FAM83F: variants seen among roughly 807,000 people sequenced by gnomAD.
FAM83F encodes scaffolding CK1 anchoring protein F.
Under a neutral mutation model 42.9 loss-of-function variants are expected in FAM83F, and 45 were observed. The ratio of observed to expected loss-of-function variants is 1.05; its 90% CI spans 0.83 to 1.35. FAM83F has a LOEUF of 1.35. FAM83F is among the 40% of genes most tolerant of loss of function. The pLI is 0.00. For synonymous variants in FAM83F, 306 were observed against 298.3 expected (o/e 1.03, Z -0.27); for missense variants, 617 against 695.9 (o/e 0.89, Z 1.28).
chr22:40,023,952 C>T lies in FAM83F; in HGVS notation c.1453+1989C>T, dbSNP rs117423836. On this transcript the variant is annotated intron_variant, in intron 4 of 4. Coordinates refer to ENST00000333407, the MANE Select transcript of FAM83F (RefSeq NM_138435.4). The surrounding 1 kb of genome is among the most constrained non-coding windows in gnomAD (Gnocchi z 4.1). ...CCAGTACCTGCAGTCCTGAAATTCA[C>T]GCACCTTTCCTCTCCCTCCCAAGGC... 0.016 allele frequency among the ~76,000 whole-genome samples: 2,386 copies of T among 152,272 alleles called. 34 individuals carry two copies. The highest frequency in any genetic ancestry group is 0.02 in the Non-Finnish European group (1,350 of 68,010).
At position 40,020,022 on chromosome 22, in the gene FAM83F, G is replaced by C; in HGVS notation, c.779+14G>C. ...TGGATCTTACAGGTGAGTTGGGCCG[G>C]ATCAAAGAAGGGCCCAGGAGGCCTT... is the stretch of plus-strand genomic sequence containing the variant. On this transcript the variant is annotated intron_variant, in intron 3 of 4. Transcript: ENST00000333407. 3.7e-6 allele frequency: 6 copies of C among 1,606,174 alleles called. No individual in the cohort carries two copies. Among genetic ancestry groups the C allele is most frequent in the Non-Finnish European group, 5.1e-6 (6 of 1,176,938 alleles).
At chr22:40,007,405 C>A in intron 1 of FAM83F, among the ~76,000 whole-genome samples, 1 of 22,016 alleles carries the variant, frequency 4.5e-5, no homozygotes, top group African/African-American at 2.2e-4. Flanking sequence ...TCTCCTCCTC[C>A]TCTTCCTCCT....
rs1009836001 is a variant in FAM83F, at chr22:40,041,372, A to C, written c.*11807A>C. On this transcript the variant is annotated 3_prime_UTR_variant, in exon 5 of 5. Coordinates refer to ENST00000333407, the MANE Select transcript of FAM83F (RefSeq NM_138435.4). ...AGCAAGCACAAGAGAGCACCCTGGC[A>C]TAGCATTCTCTGACCTGGGCTGCCT... 2.6e-5 allele frequency: 4 copies of C among 152,232 alleles called. No homozygotes were observed. Among genetic ancestry groups the C allele is most frequent in the Admixed American group, 2.0e-4 (3 of 15,276 alleles). The allele number at this position is 152,232 out of a possible 1,614,324, so 9.4% of individuals were successfully genotyped here.
At chr22:40,018,523 C>G (rs2067502907) in intron 1 of FAM83F, among the ~76,000 whole-genome samples, 1 of 152,200 alleles carries the variant, frequency 6.6e-6, no homozygotes, top group Admixed American at 6.5e-5. Context: ...ACTGCAACCT[C>G]CATCTCCTGG....
intron 1 of FAM83F, among the ~76,000 whole-genome samples, chr22:40,015,311 A>C (rs1210391713): frequency 6.6e-6 from 1 of 152,160 alleles, no homozygotes; most frequent in African/African-American, 2.4e-5. Context: ...ATTGGACGAG[A>C]CATACCCACA....
intron 1 of FAM83F, among the ~76,000 whole-genome samples, chr22:39,996,764 G>A (rs981983156): frequency 9.2e-5 from 14 of 152,194 alleles, no homozygotes; most frequent in African/African-American, 3.4e-4. Flanking sequence ...TTGGCTACCA[G>A]AAGGAAGGGT....
rs936500912 is a variant in FAM83F at position 40,000,456 on chromosome 22, G to A, written c.489+4925G>A. Among the ~76,000 whole-genome samples, 7 of 152,144 alleles carry A rather than the reference G, an allele frequency of 4.6e-5. No individual in the cohort carries two copies. In the East Asian group the frequency reaches 5.8e-4, roughly 13 times the overall value. On this transcript the variant is annotated intron_variant, in intron 1 of 4. Coordinates refer to ENST00000333407, the MANE Select transcript of FAM83F (RefSeq NM_138435.4). ...CACAAAAGACTCAGCTTTGCATATGGTGGGCCTGGCCCCTGAGTGGAGCCT... is the reference window on the plus strand; with the variant it reads ...CACAAAAGACTCAGCTTTGCATATGATGGGCCTGGCCCCTGAGTGGAGCCT...
At chr22:40,008,267 T>C (rs1446209149) in intron 1 of FAM83F, among the ~76,000 whole-genome samples, 1 of 152,252 alleles carries the variant, frequency 6.6e-6, no homozygotes, top group Non-Finnish European at 1.5e-5. Context: ...GCGGGCTGCC[T>C]GGCTCCTCGG....
chr22:40,029,432 A>G, intron 4 of FAM83F, 84 bp from the exon 5 acceptor site: 1 of 1,521,032 alleles, frequency 6.6e-7, no homozygotes, highest in Non-Finnish European at 8.9e-7. Flanking sequence ...GGAGATGTGG[A>G]CAGCACACAG....
In FAM83F at chr22:40,021,772, G is replaced by T. The variant is rs141861984; in HGVS notation, c.1262G>T (p.Arg421Leu). 5.6e-6 allele frequency: 9 copies of T among 1,612,838 alleles called. No individual in the cohort carries two copies. In the East Asian group the frequency reaches 1.8e-4, roughly 32 times the overall value. ...LKPKSREAPS[R>L]NGMGEAARGE... ...CCCAAATCCCGAGAGGCACCCAGCC[G>T]AAACGGCATGGGAGAAGCGGCCCGG... is the stretch of plus-strand genomic sequence containing the variant. The change falls in exon 4 of 5, where the codon CGA becomes CTA. Residue 421 changes from arginine to leucine, a missense_variant. Transcript: ENST00000333407. The surrounding 1 kb of genome is among the most constrained non-coding windows in gnomAD (Gnocchi z 8.7).
intron 1 of FAM83F, among the ~76,000 whole-genome samples, chr22:40,002,125 G>A (rs1488470077): frequency 2.0e-5 from 3 of 152,222 alleles, no homozygotes; most frequent in African/African-American, 7.2e-5. Context: ...GGATAAAGCA[G>A]GAAGGTGCAG....
chr22:40,002,419 C>G (rs2067407091), intron 1 of FAM83F, among the ~76,000 whole-genome samples: 1 of 152,184 alleles, frequency 6.6e-6, no homozygotes, highest in Non-Finnish European at 1.5e-5. Context: ...CTTTGGGTCC[C>G]TGAACCTCTG....
intron 1 of FAM83F, among the ~76,000 whole-genome samples, chr22:39,999,374 G>A (rs2067386478): frequency 6.6e-6 from 1 of 152,160 alleles, no homozygotes; most frequent in Non-Finnish European, 1.5e-5. Context: ...TTTAGAGAAC[G>A]TTGCCTTGTG....
rs138317052 is a variant in FAM83F, at chr22:40,021,757, G to A, written c.1247G>A (p.Arg416Gln). ...CACAGAGACCTGAAGCCCAAATCCC[G>A]AGAGGCACCCAGCCGAAACGGCATG... The part of the protein sequence containing the change: ...HMHRDLKPKS[R>Q]EAPSRNGMGE... The change falls in exon 4 of 5, where the codon CGA (arginine) becomes CAA (glutamine). Residue 416 changes from arginine (R) to glutamine (Q), a missense_variant. Physicochemically the swap from Arg to Gln is conservative, Grantham distance 43. Transcript: ENST00000333407. This position sits in a 1 kb window ranked among gnomAD's most constrained non-coding sequence, Gnocchi z 8.7. 578 of 1,612,694 alleles carry A rather than the reference G, an allele frequency of 3.6e-4. 3 individuals are homozygous for A. The highest frequency in any genetic ancestry group is 3.3e-4 in the Middle Eastern group (2 of 6,084).
In FAM83F at chr22:40,029,823, G is replaced by A; in HGVS notation, c.*258G>A. The A allele has an allele frequency of 2.1e-6, 1 of 477,068 alleles. No individual in the cohort carries two copies. Among genetic ancestry groups the A allele is most frequent in the Non-Finnish European group, 3.8e-6 (1 of 265,250 alleles). 29.6% of individuals were successfully genotyped at this position (477,068 alleles called of 1,614,324 possible). A position where few individuals can be genotyped will look rare whatever the true frequency, so the allele number is the denominator to read the frequency against. ...GCCTCCTTGTTTACATGAAGTGGAAGCTTGACCAGTGTCTGCTCGCCTTTG... is the reference window on the plus strand; with the variant it reads ...GCCTCCTTGTTTACATGAAGTGGAAACTTGACCAGTGTCTGCTCGCCTTTG... On this transcript the variant is annotated 3_prime_UTR_variant, in exon 5 of 5. Coordinates refer to ENST00000333407, the MANE Select transcript of FAM83F (RefSeq NM_138435.4).
chr22:39,995,124 T>A lies in FAM83F; in HGVS notation c.82T>A (p.Cys28Ser). 6 of 1,373,734 alleles carry A rather than the reference T, an allele frequency of 4.4e-6. No homozygotes were observed. Among genetic ancestry groups the A allele is most frequent in the Non-Finnish European group, 5.6e-6 (6 of 1,072,954 alleles). The allele number at this position is 1,373,734 out of a possible 1,614,324, so 85.1% of individuals were successfully genotyped here. Residue 28 changes from cysteine (C) to serine (S), a missense_variant, in exon 1 of 5, where the codon TGC (cysteine) becomes AGC (serine). By Grantham distance (112) the Cys-to-Ser change is moderately radical (BLOSUM62 -1). Coordinates refer to ENST00000333407, the MANE Select transcript of FAM83F (RefSeq NM_138435.4). This position sits in a 1 kb window ranked among gnomAD's most constrained non-coding sequence, Gnocchi z 4.6. The stretch of plus-strand genomic sequence containing the variant: ...CGAGGCGCAGGCCGCCTTCTACTAC[T>A]GCGAGCGGCGGCGGGCCGCGCTGGA... ...VTEAQAAFYY[C>S]ERRRAALEAL...
intron 4 of FAM83F, among the ~76,000 whole-genome samples, chr22:40,026,376 C>T (rs1416453345): frequency 6.6e-6 from 1 of 152,008 alleles, no homozygotes; most frequent in East Asian, 1.9e-4. Context: ...AAAAATTAGC[C>T]AGGCATGGTG....
At chr22:40,019,843 G>C in intron 2 of FAM83F, 44 bp from the exon 3 acceptor site, 2 of 1,570,524 alleles carry the variant, frequency 1.3e-6, no homozygotes, top group South Asian at 2.4e-5. Flanking sequence ...TGGCACGGAG[G>C]CTGGCCCAAC....
At chr22:40,028,610 G>A (rs1395952130) in intron 4 of FAM83F, among the ~76,000 whole-genome samples, 1 of 152,220 alleles carries the variant, frequency 6.6e-6, no homozygotes, top group African/African-American at 2.4e-5. Context: ...TCCGAGAGCA[G>A]GAATCCAGCC....
Sources: gnomAD v4.1 joint callset for allele counts (sites outside exome capture counted in the v4.1 genomes callset) on GRCh38, gnomAD v4.1.1 for gene constraint, Gnocchi (gnomAD v3.1) non-coding constraint, MANE v1.5 for transcripts, NCBI Gene and HGNC (gene_info 2026-07-23, HGNC 2026-07-21) for gene names.